RNLS: variants seen among roughly 807,000 people sequenced by gnomAD.
RNLS encodes the protein renalase, FAD dependent amine oxidase.
A neutral mutation model predicts 39.8 loss-of-function variants in RNLS; 39 were observed. That is an observed-to-expected ratio of 0.98 (90% CI 0.76 to 1.28). The LOEUF is 1.28. RNLS is among the 50% of genes most tolerant of loss of function. The pLI, the probability that RNLS is intolerant of heterozygous loss-of-function variation, is 0.00. For missense variants in RNLS, 410 were observed against 413.3 expected, an observed-to-expected ratio of 0.99 and a Z score of 0.07; for synonymous variants, 147 against 150.7, an observed-to-expected ratio of 0.98 and a Z score of 0.18.
chr10:88,564,582 A>G (rs532567454), intron 4 of RNLS, among the ~76,000 whole-genome samples: 17 of 152,320 alleles, frequency 1.1e-4, no homozygotes, highest in African/African-American at 3.8e-4. Context: ...AGAGCTATGC[A>G]TAACAGTGGT....
chr10:88,440,398 G>A (rs1321815660), intron 4 of RNLS, among the ~76,000 whole-genome samples: 1 of 152,126 alleles, frequency 6.6e-6, no homozygotes, highest in South Asian at 2.1e-4. Flanking sequence ...CATATAAAAT[G>A]GTAATCACAA....
intron 4 of RNLS, among the ~76,000 whole-genome samples, chr10:88,447,607 C>T (rs1188348878): frequency 6.6e-6 from 1 of 152,150 alleles, no homozygotes; most frequent in African/African-American, 2.4e-5. Flanking sequence ...AGACTCAATG[C>T]CATCCCCATC....
the RNLS span, among the ~76,000 whole-genome samples, chr10:88,206,051 C>T: frequency 3.9e-5 from 6 of 152,144 alleles, no homozygotes; most frequent in Non-Finnish European, 8.8e-5. Flanking sequence ...AGCACTGGGG[C>T]TCAATAATTA....
intron 4 of RNLS, among the ~76,000 whole-genome samples, chr10:88,436,345 A>G (rs918263579): frequency 6.6e-6 from 1 of 152,096 alleles, no homozygotes; most frequent in African/African-American, 2.4e-5. Context: ...CTTATTCCCT[A>G]TCCTACAAAG....
the RNLS span, among the ~76,000 whole-genome samples, chr10:88,177,569 G>A: frequency 6.6e-6 from 1 of 151,994 alleles, no homozygotes; most frequent in African/African-American, 2.4e-5. Flanking sequence ...TTCATTTTCA[G>A]GCATTTCATA....
At chr10:88,366,696 A>C (rs1850137514) in intron 4 of RNLS, among the ~76,000 whole-genome samples, 1 of 149,772 alleles carries the variant, frequency 6.7e-6, no homozygotes, top group African/African-American at 2.4e-5. Context: ...AAAAAAGGAA[A>C]TCCACAGCAA....
the RNLS span, among the ~76,000 whole-genome samples, chr10:88,209,943 G>A: frequency 6.6e-6 from 1 of 152,134 alleles, no homozygotes; most frequent in Non-Finnish European, 1.5e-5. Context: ...TCATGCAGCT[G>A]GTAATGGTCA....
intron 5 of RNLS, among the ~76,000 whole-genome samples, chr10:88,327,132 T>A (rs1267469600): frequency 1.3e-5 from 2 of 152,130 alleles, no homozygotes. Flanking sequence ...CAGATGAAAC[T>A]TTGGACTTGG....
intron 5 of RNLS, among the ~76,000 whole-genome samples, chr10:88,345,794 T>C (rs1167371416): frequency 6.6e-6 from 1 of 152,026 alleles, no homozygotes; most frequent in Admixed American, 6.6e-5. Flanking sequence ...AGCTATTAGG[T>C]TGAATCACAT....
chr10:88,290,870 A>G (rs992862085), intron 6 of RNLS, among the ~76,000 whole-genome samples: 5 of 152,156 alleles, frequency 3.3e-5, no homozygotes, highest in Admixed American at 6.6e-5. Flanking sequence ...AGCTGCTGAC[A>G]CTGTTCTCCA....
intron 5 of RNLS, among the ~76,000 whole-genome samples, chr10:88,362,041 G>C (rs1388858285): frequency 1.3e-5 from 2 of 151,976 alleles, no homozygotes; most frequent in Admixed American, 6.6e-5. Flanking sequence ...CCGTTACATT[G>C]TTTATAAAGT....
intron 4 of RNLS, among the ~76,000 whole-genome samples, chr10:88,541,836 T>A (rs1297424497): frequency 6.6e-6 from 1 of 152,118 alleles, no homozygotes; most frequent in African/African-American, 2.4e-5. Flanking sequence ...CTTTGAAGTT[T>A]ATTTGAGGGT....
At chr10:88,383,134 T>C (rs1467714406) in intron 4 of RNLS, among the ~76,000 whole-genome samples, 1 of 152,064 alleles carries the variant, frequency 6.6e-6, no homozygotes, top group African/African-American at 2.4e-5. Context: ...TTAACCATCA[T>C]TAGTCCTGTA....
intron 4 of RNLS, among the ~76,000 whole-genome samples, chr10:88,496,559 G>T (rs751697949): frequency 6.6e-6 from 1 of 152,058 alleles, no homozygotes; most frequent in Non-Finnish European, 1.5e-5. Context: ...GAAACTATAA[G>T]CTCTCTCTCA....
chr10:88,391,949 CA>C (rs892494517), intron 4 of RNLS, among the ~76,000 whole-genome samples: 2 of 152,208 alleles, frequency 1.3e-5, no homozygotes, highest in Non-Finnish European at 2.9e-5. Flanking sequence ...GGCAGTCTGG[CA>C]GCCCCCGGAG....
At chr10:88,435,496 G>C (rs1310329539) in intron 4 of RNLS, among the ~76,000 whole-genome samples, 1 of 151,612 alleles carries the variant, frequency 6.6e-6, no homozygotes, top group African/African-American at 2.4e-5. Flanking sequence ...TAAGTAAACA[G>C]TAGAACTAGT....
At chr10:88,553,914 T>C (rs1432968103) in intron 4 of RNLS, among the ~76,000 whole-genome samples, 9 of 152,160 alleles carry the variant, frequency 5.9e-5, no homozygotes, top group Middle Eastern at 3.2e-3. Flanking sequence ...GAAGAGATCC[T>C]AAGAAAATAT....
rs750833207 is a variant in RNLS at position 88,314,566 on chromosome 10, A to G, written c.776T>C (p.Ile259Thr). The G allele has an allele frequency of 6.2e-7, 1 of 1,613,988 alleles. No homozygotes were observed. Among genetic ancestry groups the G allele is most frequent in the Non-Finnish European group, 8.5e-7 (1 of 1,179,890 alleles). ...PFGVTYLEHS[I>T]EDVQELVFQQ... ...GAAGACTAACTCTTGCACATCCTCA[A>G]TGCTGTGTTCCAAGTATGTAACTCC... Residue 259 changes from isoleucine (I) to threonine (T), a missense_variant, in exon 6 of 7, where the codon ATT becomes ACT. Physicochemically the swap from Ile to Thr is moderately conservative, Grantham distance 89. Coordinates refer to ENST00000331772, the MANE Select transcript of RNLS (RefSeq NM_001031709.3).
the RNLS span, among the ~76,000 whole-genome samples, chr10:88,267,760 A>G: frequency 6.6e-6 from 1 of 152,184 alleles, no homozygotes; most frequent in Non-Finnish European, 1.5e-5. Context: ...AAGATGGCCA[A>G]TGGCAGAAAG....
Sources: allele counts gnomAD v4.1 joint callset (sites outside exome capture counted in the v4.1 genomes callset), GRCh38; gene constraint gnomAD v4.1.1; transcripts MANE v1.5; gene names NCBI Gene and HGNC (gene_info 2026-07-23, HGNC 2026-07-21).